PZP: variants seen among roughly 807,000 people sequenced by gnomAD.
The protein encoded by PZP is PZP alpha-2-macroglobulin like.
In PZP, 150 loss-of-function variants were observed where a neutral mutation model predicts 179.8. That is an observed-to-expected ratio of 0.83 (90% CI 0.73 to 0.96). The LOEUF (loss-of-function observed/expected upper bound fraction) is 0.96, where lower values mean the gene tolerates loss of function less well. Among genes scored for constraint, PZP ranks in the 40% least tolerant of loss-of-function variants. The pLI is 0.00. For synonymous variants in PZP, 624 were observed against 652.3 expected, an observed-to-expected ratio of 0.96 and a Z score of 0.66; for missense variants, 1,689 against 1,764.0, an observed-to-expected ratio of 0.96 and a Z score of 0.76.
At chr12:9,188,432 A>G (rs1019046474) in intron 13 of PZP, among the ~76,000 whole-genome samples, 2 of 152,220 alleles carry the variant, frequency 1.3e-5, no homozygotes, top group East Asian at 3.8e-4. Flanking sequence ...AATGGGCAAA[A>G]GCTGGAAGCA....
Position 9,200,468 on chromosome 12 carries a change from G to A in PZP, c.671-20C>T. 2 of 1,540,414 alleles carry A rather than the reference G, an allele frequency of 1.3e-6. No homozygotes were observed. The highest frequency in any genetic ancestry group is 2.2e-5 in the East Asian group (1 of 44,474). ...GAAGCACTGTTAATAGAGATAATAG[G>A]AATAAGGAAGGTTGGTAAACATTTA... is the stretch of plus-strand genomic sequence containing the variant. On this transcript the variant is annotated intron_variant, in intron 6 of 35. Coordinates refer to ENST00000261336, the MANE Select transcript of PZP (RefSeq NM_002864.3).
intron 7 of PZP, among the ~76,000 whole-genome samples, chr12:9,199,419 T>G (rs1944022449): frequency 6.6e-6 from 1 of 152,148 alleles, no homozygotes. Flanking sequence ...TGGAAATTTC[T>G]GGGGGAGAGA....
At chr12:9,144,175 G>C (rs903273004), downstream of PZP, among the ~76,000 whole-genome samples, 1 of 152,006 alleles carries the variant, frequency 6.6e-6, no homozygotes, top group East Asian at 1.9e-4. Context: ...AAGAGAGAGA[G>C]AGAGAGAGAG....
chr12:9,190,825 A>C (rs1943417537), intron 13 of PZP, among the ~76,000 whole-genome samples: 1 of 152,232 alleles, frequency 6.6e-6, no homozygotes, highest in Non-Finnish European at 1.5e-5. Flanking sequence ...GAATAGTGTG[A>C]AAAGAGAACA....
Position 9,165,270 on chromosome 12 carries a change from T to C in PZP, c.2356A>G (p.Ile786Val), listed in dbSNP as rs143167687. The C allele has an allele frequency of 1.9e-6, 3 of 1,614,118 alleles. No individual in the cohort carries two copies. Among genetic ancestry groups the C allele is most frequent in the Non-Finnish European group, 2.5e-6 (3 of 1,180,006 alleles). Residue 786 changes from isoleucine to valine, a missense_variant, in exon 19 of 36, where the codon ATC becomes GTC. Transcript: ENST00000261336. ...FCLSEDAGLG[I>V]SSTASLRAFQ... ...GCTCGGAGAGAGGCAGTGGAAGAGA[T>C]ACCAAGTCCAGCATCTTCGGACAGG...
chr12:9,196,536 T>C (rs903331825), intron 9 of PZP, 35 bp downstream of exon 9: 21 of 1,574,368 alleles, frequency 1.3e-5, no homozygotes, highest in Non-Finnish European at 1.7e-5. Flanking sequence ...AAGTAAACTA[T>C]TGTTTTATTT....
At chr12:9,183,674 C>A (rs1317334236) in intron 13 of PZP, among the ~76,000 whole-genome samples, 1 of 152,140 alleles carries the variant, frequency 6.6e-6, no homozygotes, top group African/African-American at 2.4e-5. Context: ...CAGGCAGCAG[C>A]CAATGTGCCC....
At chr12:9,144,157 A>G (rs1002528406), downstream of PZP, among the ~76,000 whole-genome samples, 48 of 152,124 alleles carry the variant, frequency 3.2e-4, 1 homozygote, top group Admixed American at 1.3e-4. Flanking sequence ...AACCAGAGCC[A>G]CATGAGGAAG....
At chr12:9,153,637 C>G (rs1343575127) in intron 29 of PZP, among the ~76,000 whole-genome samples, 1 of 152,092 alleles carries the variant, frequency 6.6e-6, no homozygotes, top group Admixed American at 6.5e-5. Context: ...GAAGTTAAGA[C>G]AAAAATAGTG....
chr12:9,161,112 A>G lies in PZP; in HGVS notation c.2793T>C (p.Ala931=). ...TCAAGGACAACTGCTCAGACACATT[A>G]GCACCTTTAGAAACAGACAGCCCAT... The part of the protein sequence containing the change: ...TFSSMTCASG[A]NVSEQLSLKL... Residue 931 remains alanine, a synonymous_variant, in exon 23 of 36, where the codon GCT becomes GCC. Coordinates refer to ENST00000261336, the MANE Select transcript of PZP (RefSeq NM_002864.3). 1 of 1,572,382 alleles carries G rather than the reference A, an allele frequency of 6.4e-7. No individual in the cohort carries two copies. The highest frequency in any genetic ancestry group is 1.7e-4 in the Middle Eastern group (1 of 5,926).
intron 1 of PZP, 37 bp from the exon 2 acceptor site, chr12:9,203,988 A>G: frequency 1.3e-6 from 2 of 1,546,716 alleles, no homozygotes; most frequent in Non-Finnish European, 1.8e-6. Flanking sequence ...AGAAAAACTG[A>G]TGATAGTAAG....
rs1037738415 is a variant in PZP, at chr12:9,194,021, A to G, written c.1254+56T>C. On this transcript the variant is annotated intron_variant, in intron 11 of 35. Transcript: ENST00000261336. Reference sequence around the variant, plus strand: ...TGCAATCTGTACATTTCTTCTGAATATATCACTGTTCCTAACATTTCCTTT... The same window carrying G: ...TGCAATCTGTACATTTCTTCTGAATGTATCACTGTTCCTAACATTTCCTTT... 16 of 1,490,958 alleles carry G rather than the reference A, an allele frequency of 1.1e-5. No homozygotes were observed. In the Admixed American group the frequency reaches 2.3e-4, roughly 22 times the overall value. The allele number at this position is 1,490,958 out of a possible 1,614,324, so 92.4% of individuals were successfully genotyped here. A position where few individuals can be genotyped will look rare whatever the true frequency, so the allele number is the denominator to read the frequency against.
At chr12:9,204,342 T>A in intron 1 of PZP, among the ~76,000 whole-genome samples, 1 of 152,098 alleles carries the variant, frequency 6.6e-6, no homozygotes, top group East Asian at 1.9e-4. Context: ...AAATTGGGAG[T>A]GATTATTCAT....
intron 1 of PZP, among the ~76,000 whole-genome samples, chr12:9,204,845 G>A (rs1944369235): frequency 1.3e-5 from 2 of 151,968 alleles, no homozygotes; most frequent in African/African-American, 2.4e-5. Context: ...CCTAGTTCCC[G>A]GCACTTTGGG....
intron 21 of PZP, among the ~76,000 whole-genome samples, 165 bp from the exon 22 acceptor site, chr12:9,162,813 G>A (rs1228471228): frequency 6.6e-6 from 1 of 152,146 alleles, no homozygotes; most frequent in Admixed American, 6.5e-5. Flanking sequence ...TGTGCAGGAG[G>A]TGCAGGTTTG....
At chr12:9,136,614 C>T in the PZP span, among the ~76,000 whole-genome samples, 1 of 152,040 alleles carries the variant, frequency 6.6e-6, no homozygotes, top group Non-Finnish European at 1.5e-5. Flanking sequence ...ACCATGTTTC[C>T]ATAGCAGTTG....
the PZP span, among the ~76,000 whole-genome samples, chr12:9,137,699 A>G: frequency 4.6e-5 from 7 of 152,020 alleles, no homozygotes; most frequent in African/African-American, 1.4e-4. Context: ...AATTTCTTTC[A>G]TCAATGTTTT....
chr12:9,180,062 A>G (rs1463623803), intron 15 of PZP, among the ~76,000 whole-genome samples: 1 of 152,192 alleles, frequency 6.6e-6, no homozygotes, highest in Non-Finnish European at 1.5e-5. Flanking sequence ...AGCTTGAGAA[A>G]CTATCAAGTA....
chr12:9,160,175 A>G lies in PZP; in HGVS notation c.3049+139T>C, dbSNP rs111342329. On this transcript the variant is annotated intron_variant, in intron 24 of 35. Coordinates refer to ENST00000261336, the MANE Select transcript of PZP (RefSeq NM_002864.3). ...TGAATGTTATGGATAGATCAAACAC[A>G]ACATCCTATTAGAGTGTGGGAAGAT... 4.5e-6 allele frequency: 5 copies of G among 1,104,600 alleles called. No homozygotes were observed. The African/African-American group carries it at 6.3e-5, about 14-fold the overall frequency. The allele number at this position is 1,104,600 out of a possible 1,614,324, so 68.4% of individuals were successfully genotyped here. A position where few individuals can be genotyped will look rare whatever the true frequency, so the allele number is the denominator to read the frequency against.
Sources: gnomAD v4.1 joint callset for allele counts (sites outside exome capture counted in the v4.1 genomes callset) on GRCh38, gnomAD v4.1.1 for gene constraint, MANE v1.5 for transcripts, NCBI Gene and HGNC (gene_info 2026-07-23, HGNC 2026-07-21) for gene names.